UBL3: variants seen among roughly 807,000 people sequenced by gnomAD.
UBL3 encodes the protein ubiquitin-like protein 3.
In UBL3, 6 loss-of-function variants were observed where a neutral mutation model predicts 18.4. The observed-to-expected ratio is 0.33, with a 90% CI of 0.18 to 0.64. The LOEUF (loss-of-function observed/expected upper bound fraction) is 0.64. Ranked by LOEUF, UBL3 falls within the 30% of genes least tolerant of loss-of-function variation. The pLI is 0.76. For missense variants in UBL3, 109 were observed against 142.9 expected (o/e 0.76, Z 1.21); for synonymous variants, 49 against 46.6 (o/e 1.05, Z -0.21).
intron 1 of UBL3, among the ~76,000 whole-genome samples, chr13:29,814,175 A>C (rs7330373): frequency 0.11 from 16,005 of 152,060 alleles, 937 homozygotes; most frequent in Middle Eastern, 0.17. Context: ...GATTTTGTGA[A>C]GTTATATTGC....
chr13:29,788,090 G>T (rs867223753), intron 1 of UBL3, among the ~76,000 whole-genome samples: 1 of 152,084 alleles, frequency 6.6e-6, no homozygotes, highest in Non-Finnish European at 1.5e-5. Flanking sequence ...TAGTTCTAGC[G>T]CAAGGCACAT....
chr13:29,820,983 C>T (rs1174127730), intron 1 of UBL3, among the ~76,000 whole-genome samples: 2 of 152,172 alleles, frequency 1.3e-5, no homozygotes, highest in Non-Finnish European at 2.9e-5. Context: ...CCACCAGTTA[C>T]CAGAAAACTG....
At chr13:29,829,817 G>C (rs1483651196) in intron 1 of UBL3, among the ~76,000 whole-genome samples, 1 of 151,986 alleles carries the variant, frequency 6.6e-6, no homozygotes, top group Non-Finnish European at 1.5e-5. Context: ...GTTCCTATTC[G>C]GCCATCTTGG....
intron 1 of UBL3, among the ~76,000 whole-genome samples, chr13:29,804,984 T>C (rs1299215457): frequency 6.6e-6 from 1 of 152,172 alleles, no homozygotes; most frequent in East Asian, 1.9e-4. Context: ...TGCACATATA[T>C]ATACAACTTG....
At chr13:29,785,824 C>T (rs1412602214) in intron 1 of UBL3, among the ~76,000 whole-genome samples, 1 of 152,016 alleles carries the variant, frequency 6.6e-6, no homozygotes, top group Non-Finnish European at 1.5e-5. Flanking sequence ...GAGAGACATA[C>T]AAACAGATAA....
intron 1 of UBL3, among the ~76,000 whole-genome samples, chr13:29,835,915 A>G (rs1747061): frequency 0.1 from 15,516 of 152,132 alleles, 967 homozygotes; most frequent in African/African-American, 0.17. Flanking sequence ...GTCATGTTAG[A>G]CAGGAGCTAG....
At chr13:29,842,950 ATAT>A (rs1400100280) in intron 1 of UBL3, among the ~76,000 whole-genome samples, 1 of 152,202 alleles carries the variant, frequency 6.6e-6, no homozygotes, top group Non-Finnish European at 1.5e-5. Context: ...TTTTAAACAC[ATAT>A]TATTTTTAAT....
chr13:29,773,430 A>G (rs949996532), intron 2 of UBL3, among the ~76,000 whole-genome samples: 1 of 152,176 alleles, frequency 6.6e-6, no homozygotes, highest in Non-Finnish European at 1.5e-5. Context: ...CTCTAACACT[A>G]TAGTATGAAT....
At chr13:29,825,310 G>T (rs147073320) in intron 1 of UBL3, among the ~76,000 whole-genome samples, 2,831 of 152,204 alleles carry the variant, frequency 0.019, 85 homozygotes, top group African/African-American at 0.064. Flanking sequence ...CCATTTTCAC[G>T]ATATTGATTA....
intron 1 of UBL3, among the ~76,000 whole-genome samples, chr13:29,785,288 G>A (rs969117755): frequency 2.0e-4 from 30 of 152,116 alleles, no homozygotes; most frequent in African/African-American, 7.0e-4. Context: ...GAACAGTGTT[G>A]GGGATTTCTC....
intron 1 of UBL3, among the ~76,000 whole-genome samples, chr13:29,836,901 T>C (rs1318483052): frequency 6.6e-6 from 1 of 152,238 alleles, no homozygotes; most frequent in African/African-American, 2.4e-5. Flanking sequence ...TTCATCAGCC[T>C]CATGATACCT....
At chr13:29,820,688 A>C (rs1878413261) in intron 1 of UBL3, among the ~76,000 whole-genome samples, 1 of 152,210 alleles carries the variant, frequency 6.6e-6, no homozygotes, top group Non-Finnish European at 1.5e-5. Flanking sequence ...TTAACTATAG[A>C]CATTGCTTAA....
chr13:29,821,687 C>A (rs1878453555), intron 1 of UBL3, among the ~76,000 whole-genome samples: 2 of 152,206 alleles, frequency 1.3e-5, no homozygotes, highest in East Asian at 1.9e-4. Context: ...TAGTTTTTAG[C>A]CAATAAAAAT....
At chr13:29,829,173 A>G (rs1250714491) in intron 1 of UBL3, among the ~76,000 whole-genome samples, 1 of 152,146 alleles carries the variant, frequency 6.6e-6, no homozygotes, top group Non-Finnish European at 1.5e-5. Context: ...CCATTCTCAG[A>G]TCTGAAACTC....
intron 1 of UBL3, among the ~76,000 whole-genome samples, chr13:29,801,192 C>T (rs2139332746): frequency 6.6e-6 from 1 of 152,302 alleles, no homozygotes; most frequent in East Asian, 1.9e-4. Flanking sequence ...GCCACAGCCA[C>T]CCTATGGAGA....
intron 1 of UBL3, among the ~76,000 whole-genome samples, chr13:29,825,220 T>G (rs1195148057): frequency 6.6e-6 from 1 of 151,502 alleles, no homozygotes; most frequent in African/African-American, 2.4e-5. Flanking sequence ...GAACTTTAGT[T>G]TATTCCAATT....
chr13:29,770,441 T>C (rs990927652), intron 3 of UBL3, among the ~76,000 whole-genome samples: 9 of 152,184 alleles, frequency 5.9e-5, no homozygotes, highest in African/African-American at 2.2e-4. Context: ...AAAATACTGG[T>C]AAAAAATTAT....
intron 1 of UBL3, among the ~76,000 whole-genome samples, chr13:29,803,654 A>C (rs1167200693): frequency 6.6e-6 from 1 of 152,116 alleles, no homozygotes; most frequent in Admixed American, 6.5e-5. Flanking sequence ...AATTTCAGAC[A>C]AAACAGACTG....
chr13:29,794,174 G>A (rs2139326793), intron 1 of UBL3, among the ~76,000 whole-genome samples: 1 of 152,242 alleles, frequency 6.6e-6, no homozygotes, highest in African/African-American at 2.4e-5. Context: ...TTTCAGAATA[G>A]TCAAGATGTT....
Sources: gnomAD v4.1 joint callset for allele counts (sites outside exome capture counted in the v4.1 genomes callset) on GRCh38, gnomAD v4.1.1 for gene constraint, MANE v1.5 for transcripts, NCBI Gene and HGNC (gene_info 2026-07-23, HGNC 2026-07-21) for gene names.